The following TRIO variants were observed in gnomAD, a reference collection of about 807,000 sequenced individuals.
TRIO encodes trio Rho guanine nucleotide exchange factor, also known as triple functional domain protein.
Under a neutral mutation model 351.9 loss-of-function variants are expected in TRIO, and 58 were observed. That is an observed-to-expected ratio of 0.16 (90% CI 0.13 to 0.21). The LOEUF (loss-of-function observed/expected upper bound fraction) is 0.21. Among genes scored for constraint, TRIO ranks in the 10% least tolerant of loss-of-function variants. The pLI is 1.00. For synonymous variants in TRIO, 1,758 were observed against 1,595.7 expected (o/e 1.10, Z -2.42); for missense variants, 3,201 against 4,027.8 (o/e 0.79, Z 5.56).
intron 1 of TRIO, among the ~76,000 whole-genome samples, chr5:14,181,820 C>T (rs1789787111): frequency 6.6e-6 from 1 of 152,054 alleles, no homozygotes; most frequent in African/African-American, 2.4e-5. Context: ...GTGGCCACGC[C>T]CCTCCCGGCC....
rs1579865314 is a variant in TRIO, at chr5:14,507,381, G to A, written c.8751+121G>A. On this transcript the variant is annotated intron_variant, in intron 56 of 56. Coordinates refer to ENST00000344204, the MANE Select transcript of TRIO (RefSeq NM_007118.4). Reference sequence around the variant, plus strand: ...CAAGTGACTAGGGACAAAAAGGGTGGGTGGGGCAGCGCAGACACTGATTGC... The same window carrying A: ...CAAGTGACTAGGGACAAAAAGGGTGAGTGGGGCAGCGCAGACACTGATTGC... The A allele has an allele frequency of 4.9e-6, 7 of 1,419,252 alleles. No homozygotes were observed. In the East Asian group the frequency reaches 1.7e-4, roughly 34 times the overall value. The allele number at this position is 1,419,252 out of a possible 1,614,324, so 87.9% of individuals were successfully genotyped here.
At chr5:14,431,651 G>A (rs1272969937) in intron 34 of TRIO, among the ~76,000 whole-genome samples, 2 of 152,150 alleles carry the variant, frequency 1.3e-5, no homozygotes, top group African/African-American at 2.4e-5. Flanking sequence ...GATCATTTCA[G>A]TCCTGTATCA....
chr5:14,304,550 C>T lies in TRIO; in HGVS notation c.1458C>T (p.His486=). 3 of 1,614,086 alleles carry T rather than the reference C, an allele frequency of 1.9e-6. No homozygotes were observed. In the South Asian group the frequency reaches 3.3e-5, roughly 18 times the overall value. The change falls in exon 8 of 57, where the codon CAC becomes CAT. Residue 486 remains histidine, a synonymous_variant. Coordinates refer to ENST00000344204, the MANE Select transcript of TRIO (RefSeq NM_007118.4). ...ELQDLEDAIH[H]HQGIYEHITL... The stretch of plus-strand genomic sequence containing the variant: ...AGGACCTAGAAGATGCCATTCATCA[C>T]CACCAGGGAATATATGAACATATCA...
At chr5:14,163,818 AT>A (rs1788613110) in intron 1 of TRIO, among the ~76,000 whole-genome samples, 1 of 152,220 alleles carries the variant, frequency 6.6e-6, no homozygotes, top group African/African-American at 2.4e-5. Flanking sequence ...TAACACAACT[AT>A]TTCATATGGT....
chr5:14,368,686 C>A (rs1322296528), intron 16 of TRIO, 22 bp from the exon 17 acceptor site: 1 of 1,600,944 alleles, frequency 6.2e-7, no homozygotes, highest in Admixed American at 1.7e-5. Flanking sequence ...AATAAGCCTT[C>A]CCTTTTGTTC....
chr5:14,375,414 A>C lies in TRIO; in HGVS notation c.3331+1071A>C, dbSNP rs747128059. ...TTTTTAGGTTGCGCTAGTTTGACACACGTTTTTGTGTGAGAGGGAGACTGT... is the reference window on the plus strand; with the variant it reads ...TTTTTAGGTTGCGCTAGTTTGACACCCGTTTTTGTGTGAGAGGGAGACTGT... On this transcript the variant is annotated intron_variant, in intron 19 of 56. Coordinates refer to ENST00000344204, the MANE Select transcript of TRIO (RefSeq NM_007118.4). Among the ~76,000 whole-genome samples, 6 of 152,154 alleles carry C rather than the reference A, an allele frequency of 3.9e-5. No homozygotes were observed. In the South Asian group the frequency reaches 6.2e-4, roughly 16 times the overall value.
At chr5:14,145,876 C>T (rs550281670) in intron 1 of TRIO, among the ~76,000 whole-genome samples, 11 of 152,316 alleles carry the variant, frequency 7.2e-5, no homozygotes, top group Admixed American at 4.6e-4. Flanking sequence ...CTGCCCCCGC[C>T]GCCAGGGCTC....
At chr5:14,391,278 A>G (rs958642418) in intron 27 of TRIO, among the ~76,000 whole-genome samples, 4 of 152,222 alleles carry the variant, frequency 2.6e-5, no homozygotes, top group Non-Finnish European at 4.4e-5. Context: ...TCAGTCATTT[A>G]TAATATCATT....
At chr5:14,342,353 G>C (rs1742013263) in intron 11 of TRIO, among the ~76,000 whole-genome samples, 1 of 152,228 alleles carries the variant, frequency 6.6e-6, no homozygotes, top group Non-Finnish European at 1.5e-5. Flanking sequence ...GCTGGAGACT[G>C]CATCGGGCAT....
chr5:14,464,355 T>C (rs1344523120), intron 36 of TRIO, among the ~76,000 whole-genome samples: 1 of 152,216 alleles, frequency 6.6e-6, no homozygotes, highest in Non-Finnish European at 1.5e-5. Context: ...ACTGTATCCT[T>C]CTGTTTGCTA....
intron 33 of TRIO, among the ~76,000 whole-genome samples, chr5:14,411,259 T>A (rs1385519976): frequency 6.6e-6 from 1 of 152,186 alleles, no homozygotes; most frequent in Admixed American, 6.5e-5. Flanking sequence ...TCTTTAAAAA[T>A]TTTTTCCCTG....
At chr5:14,269,252 G>A (rs1200671239) in intron 1 of TRIO, among the ~76,000 whole-genome samples, 3 of 152,204 alleles carry the variant, frequency 2.0e-5, no homozygotes, top group African/African-American at 7.2e-5. Context: ...ACACGTGGAC[G>A]TATTCTATGG....
chr5:14,172,598 G>A (rs1418680633), intron 1 of TRIO, among the ~76,000 whole-genome samples: 1 of 151,634 alleles, frequency 6.6e-6, no homozygotes, highest in Non-Finnish European at 1.5e-5. Flanking sequence ...CACAATAACA[G>A]GGGGGATGAT....
chr5:14,500,080 AC>A (rs1757171172), intron 53 of TRIO, among the ~76,000 whole-genome samples: 1 of 151,346 alleles, frequency 6.6e-6, no homozygotes, highest in Non-Finnish European at 1.5e-5. Flanking sequence ...GACTATTCAT[AC>A]CCTGGAAATG....
At chr5:14,245,020 G>A (rs354309) in intron 1 of TRIO, among the ~76,000 whole-genome samples, 3,337 of 152,328 alleles carry the variant, frequency 0.022, 116 homozygotes, top group African/African-American at 0.075. Context: ...GCATCCCACA[G>A]TTCTCTACAG....
intron 1 of TRIO, among the ~76,000 whole-genome samples, chr5:14,247,391 T>TTA (rs1794501227): frequency 6.6e-6 from 1 of 152,272 alleles, no homozygotes; most frequent in South Asian, 2.1e-4. Context: ...AAATATACTT[T>TTA]TAAATGAGGG....
chr5:14,462,729 AT>A, intron 35 of TRIO, 25 bp from the exon 36 acceptor site: 2 of 1,613,566 alleles, frequency 1.2e-6, no homozygotes, highest in Non-Finnish European at 1.7e-6. Flanking sequence ...CTGGAATATA[AT>A]GAGCAAATCT....
At chr5:14,410,884 A>G (rs918098090) in intron 33 of TRIO, among the ~76,000 whole-genome samples, 8 of 152,232 alleles carry the variant, frequency 5.3e-5, no homozygotes, top group African/African-American at 1.7e-4. Flanking sequence ...CCTACTTTGA[A>G]AACATCAGTT....
rs1739408543 is a variant in TRIO at position 14,316,685 on chromosome 5, G to A, written c.1673G>A (p.Arg558His). Residue 558 changes from arginine (R) to histidine (H), a missense_variant, in exon 9 of 57, where the codon CGC becomes CAC. Arg to His is a conservative substitution (Grantham distance 29). Transcript: ENST00000344204. ...CAGCTGGAGAACATCTGGCAACACC[G>A]CAAGGTCCGGCTGCATCAGAGGCTG... ...QRQLENIWQH[R>H]KVRLHQRLQL... 2.5e-6 allele frequency: 4 copies of A among 1,614,040 alleles called. No homozygotes were observed. The highest frequency in any genetic ancestry group is 1.7e-5 in the Admixed American group (1 of 60,008).
Sources: allele counts gnomAD v4.1 joint callset (sites outside exome capture counted in the v4.1 genomes callset), GRCh38; gene constraint gnomAD v4.1.1; transcripts MANE v1.5; gene names NCBI Gene and HGNC (gene_info 2026-07-23, HGNC 2026-07-21).